RIC3: variants seen among roughly 807,000 people sequenced by gnomAD.
RIC3 encodes the protein RIC3 acetylcholine receptor chaperone.
Under a neutral mutation model 27.3 loss-of-function variants are expected in RIC3, and 28 were observed. The observed-to-expected ratio is 1.02, with a 90% confidence interval of 0.76 to 1.41. The LOEUF is 1.41. RIC3 is among the 40% of genes most tolerant of loss of function. The pLI, the probability that RIC3 is intolerant of heterozygous loss-of-function variation, is 0.00. For missense variants in RIC3, 501 were observed against 444.7 expected (o/e 1.13, Z -1.14); for synonymous variants, 184 against 160.4 (o/e 1.15, Z -1.11).
chr11:8,163,061 ACACACACC>A (rs879391238), intron 1 of RIC3, among the ~76,000 whole-genome samples: 2,526 of 151,120 alleles, frequency 0.017, 39 homozygotes, highest in South Asian at 0.058. Context: ...ATACACACAC[ACACACACC>A]CCCCAAAACA....
intron 1 of RIC3, chr11:8,153,454 T>C (rs1950413675): frequency 2.2e-6 from 1 of 450,678 alleles, no homozygotes. Context: ...TATCACATAG[T>C]GGTCATTCAA....
At chr11:8,138,021 T>C (rs996531525) in intron 3 of RIC3, among the ~76,000 whole-genome samples, 3 of 152,190 alleles carry the variant, frequency 2.0e-5, no homozygotes, top group Admixed American at 2.0e-4. Flanking sequence ...AGTCTGAAAA[T>C]GAGAAGTCAT....
chr11:8,120,611 G>T (rs572927035), intron 5 of RIC3, among the ~76,000 whole-genome samples: 1 of 151,856 alleles, frequency 6.6e-6, no homozygotes, highest in Non-Finnish European at 1.5e-5. Flanking sequence ...AACCAACATG[G>T]CACATGTATA....
chr11:8,116,345 G>A (rs182928495), intron 5 of RIC3, among the ~76,000 whole-genome samples: 10 of 152,212 alleles, frequency 6.6e-5, no homozygotes, highest in Non-Finnish European at 1.5e-4. Flanking sequence ...GAAAACCTAG[G>A]GAAAAAGCTC....
chr11:8,165,995 C>A (rs1390436213), intron 1 of RIC3, among the ~76,000 whole-genome samples: 1 of 152,040 alleles, frequency 6.6e-6, no homozygotes, highest in African/African-American at 2.4e-5. Flanking sequence ...TGTTATGTGG[C>A]CCAAGCTGGT....
the RIC3 span, chr11:8,100,479 C>T: frequency 1.9e-6 from 3 of 1,599,116 alleles, no homozygotes; most frequent in Non-Finnish European, 2.6e-6. Flanking sequence ...CCTCAGGTGG[C>T]CAGTGTTGCG....
At chr11:8,102,681 G>T (rs910013524), downstream of RIC3, 1 of 152,150 alleles carries the variant, frequency 6.6e-6, no homozygotes, top group African/African-American at 2.4e-5. Flanking sequence ...TAGGTTCTTG[G>T]GAGGGAATGG....
intron 4 of RIC3, among the ~76,000 whole-genome samples, chr11:8,133,683 A>G (rs540229535): frequency 1.3e-5 from 2 of 152,362 alleles, no homozygotes; most frequent in Admixed American, 1.3e-4. Context: ...ATGAGACAGT[A>G]CAACTCCAGA....
chr11:8,130,964 T>C (rs1159334873), intron 4 of RIC3, among the ~76,000 whole-genome samples: 2 of 152,112 alleles, frequency 1.3e-5, no homozygotes, highest in Non-Finnish European at 2.9e-5. Context: ...TTCTGTGCTT[T>C]TTCAAAATCA....
At chr11:8,094,890 T>C in the RIC3 span, among the ~76,000 whole-genome samples, 1 of 152,228 alleles carries the variant, frequency 6.6e-6, no homozygotes, top group Admixed American at 6.5e-5. Context: ...CATAGCTCAG[T>C]AGGCGGGCAG....
intron 1 of RIC3, among the ~76,000 whole-genome samples, chr11:8,164,767 G>C (rs1228164890): frequency 8.0e-6 from 1 of 125,666 alleles, no homozygotes; most frequent in Admixed American, 9.4e-5. Context: ...ACCAGAGTGA[G>C]ACCCTGTCTC....
rs183863717 is a variant in RIC3, at chr11:8,130,885, T to C, written c.522-4078A>G. Among the ~76,000 whole-genome samples the C allele has an allele frequency of 2.6e-3, 393 of 149,432 alleles. 3 individuals carry two copies. Among genetic ancestry groups the C allele is most frequent in the African/African-American group, 8.7e-3 (356 of 40,722 alleles). ...TGTGGCTGGACCACAGAGAGAGTGATGAAGAAAGATAAAGCAAGAGAGGTA... is the reference window on the plus strand; with the variant it reads ...TGTGGCTGGACCACAGAGAGAGTGACGAAGAAAGATAAAGCAAGAGAGGTA... On this transcript the variant is annotated intron_variant, in intron 4 of 5. Transcript: ENST00000309737.
intron 1 of RIC3, among the ~76,000 whole-genome samples, chr11:8,141,883 C>G (rs1421763662): frequency 6.6e-6 from 1 of 151,966 alleles, no homozygotes; most frequent in East Asian, 1.9e-4. Flanking sequence ...CACTCAAAAC[C>G]GCTCAACTAC....
chr11:8,101,415 T>C, downstream of RIC3: 2 of 1,588,610 alleles, frequency 1.3e-6, no homozygotes, highest in East Asian at 2.2e-5. Flanking sequence ...TTTGGGTGTC[T>C]GTCTATCCTT....
At chr11:8,095,765 C>T in the RIC3 span, 3 of 1,306,094 alleles carry the variant, frequency 2.3e-6, no homozygotes, top group Non-Finnish European at 3.1e-6. Flanking sequence ...CCAAACCCCT[C>T]CCTGGCAATG....
At chr11:8,101,132 G>A, downstream of RIC3, 1 of 1,094,918 alleles carries the variant, frequency 9.1e-7, no homozygotes, top group South Asian at 1.6e-5. Context: ...TTAGATGTAT[G>A]GAACTTTCTA....
In RIC3 at chr11:8,140,014, T is replaced by C. The variant is rs764054685; in HGVS notation, c.304A>G (p.Ile102Val). ...GRGLMGQIIP[I>V]YGFGIFLYIL... The stretch of plus-strand genomic sequence containing the variant: ...TATAAAAAAATCCCAAAACCGTAGA[T>C]TGGAATAATCTGCCCCATCAGACCT... Residue 102 changes from isoleucine to valine, a missense_variant, in exon 2 of 6, where the codon ATC becomes GTC. Coordinates refer to ENST00000309737, the MANE Select transcript of RIC3 (RefSeq NM_001206671.4). The C allele has an allele frequency of 3.1e-6, 5 of 1,614,060 alleles. No individual in the cohort carries two copies. Among genetic ancestry groups the C allele is most frequent in the East Asian group, 2.2e-5 (1 of 44,868 alleles).
chr11:8,138,347 G>C lies in RIC3; in HGVS notation c.352C>G (p.Leu118Val). 6.2e-7 allele frequency: 1 copy of C among 1,605,716 alleles called. No homozygotes were observed. The highest frequency in any genetic ancestry group is 8.5e-7 in the Non-Finnish European group (1 of 1,172,662). Residue 118 changes from leucine to valine, a missense_variant and splice_region_variant, in exon 3 of 6, where the codon CTC (leucine) becomes GTC (valine). By Grantham distance (32) the Leu-to-Val change is conservative (BLOSUM62 1). Coordinates refer to ENST00000309737, the MANE Select transcript of RIC3 (RefSeq NM_001206671.4). ...TCTGCAGTTGTTTTCCCCTTTGAGAGCTGAGAATTGAAGGAGGTATAGCAC... is the reference window on the plus strand; with the variant it reads ...TCTGCAGTTGTTTTCCCCTTTGAGACCTGAGAATTGAAGGAGGTATAGCAC... Reference protein sequence around the residue: ...FLYILYILFKLSKGKTTAEDG... With the variant: ...FLYILYILFKVSKGKTTAEDG...
rs192436694 is a variant in RIC3 at position 8,165,462 on chromosome 11, C to G, written c.124+3404G>C. The stretch of plus-strand genomic sequence containing the variant: ...CAGATATTATATGATTTCATTTATA[C>G]CAAATGTCCAGAACAGGCAAATCTA... On this transcript the variant is annotated intron_variant, in intron 1 of 5. Transcript: ENST00000309737. Among the ~76,000 whole-genome samples the G allele has an allele frequency of 4.9e-3, 748 of 152,208 alleles. 7 individuals are homozygous for G. The highest frequency in any genetic ancestry group is 0.017 in the African/African-American group (721 of 41,508).
Sources: gnomAD v4.1 joint callset for allele counts (sites outside exome capture counted in the v4.1 genomes callset) on GRCh38, gnomAD v4.1.1 for gene constraint, MANE v1.5 for transcripts, NCBI Gene and HGNC (gene_info 2026-07-23, HGNC 2026-07-21) for gene names.